The following DSTYK variants were observed in gnomAD, a reference collection of about 807,000 sequenced individuals.
DSTYK encodes RIP-homologous kinase.
Under a neutral mutation model 98.7 loss-of-function variants are expected in DSTYK, and 34 were observed. The ratio of observed to expected loss-of-function variants is 0.34; its 90% CI spans 0.26 to 0.46. The LOEUF (loss-of-function observed/expected upper bound fraction) is 0.46. Among genes scored for constraint, DSTYK ranks in the 20% least tolerant of loss-of-function variants. DSTYK has a pLI of 1.00. For missense variants in DSTYK, 962 were observed against 1,181.7 expected (o/e 0.81, Z 2.73); for synonymous variants, 462 against 457.3 (o/e 1.01, Z -0.13).
Position 205,148,205 on chromosome 1 carries a change from C to A in DSTYK, c.2602G>T (p.Gly868Trp), listed in dbSNP as rs750857653. Residue 868 changes from glycine to tryptophan, a missense_variant and splice_region_variant, in exon 12 of 13, where the codon GGG (glycine) becomes TGG (tryptophan). Gly to Trp is a radical substitution (Grantham distance 184). Transcript: ENST00000367162. ...KDHLWNNVRR[G>W]ARPERLPVFD... ...ACAAGGTAGTACTTGTGGCTCTTAC[C>A]CCTCCGCACATTGTTCCAGAGATGG... The A allele has an allele frequency of 1.2e-6, 2 of 1,614,028 alleles. No homozygotes were observed. Among genetic ancestry groups the A allele is most frequent in the South Asian group, 1.1e-5 (1 of 91,064 alleles).
Position 205,187,760 on chromosome 1 carries a change from G to A in DSTYK, c.312C>T (p.Leu104=). The A allele has an allele frequency of 6.2e-7, 1 of 1,614,110 alleles. No individual in the cohort carries two copies. Among genetic ancestry groups the A allele is most frequent in the Non-Finnish European group, 8.5e-7 (1 of 1,180,014 alleles). ...AAGGGAGGCAGTCCACAATCTGCTG[G>A]AGGTACTTCTCTTCCTTAGGTGGGA... ...ISFPPKEEKY[L]QQIVDCLPCI... is the part of the protein sequence containing the mutation. Residue 104 remains leucine, a synonymous_variant, in exon 2 of 13, where the codon CTC becomes CTT. Transcript: ENST00000367162.
intron 10 of DSTYK, among the ~76,000 whole-genome samples, chr1:205,154,069 G>A (rs975782517): frequency 1.4e-5 from 2 of 147,424 alleles, no homozygotes; most frequent in African/African-American, 2.4e-5. Flanking sequence ...GTGTGTGTGT[G>A]TGTGTGTGTG....
At chr1:205,171,547 T>C (rs932036891) in intron 2 of DSTYK, among the ~76,000 whole-genome samples, 4 of 151,720 alleles carry the variant, frequency 2.6e-5, no homozygotes, top group Non-Finnish European at 5.9e-5. Context: ...TTCCACTTTG[T>C]GTTCTGCTTC....
rs910640618 is a variant in DSTYK at position 205,148,217 on chromosome 1, T to C, written c.2590A>G (p.Asn864Asp). 6.2e-7 allele frequency: 1 copy of C among 1,614,116 alleles called. No homozygotes were observed. Among genetic ancestry groups the C allele is most frequent in the Non-Finnish European group, 8.5e-7 (1 of 1,179,994 alleles). ...TTGTGGCTCTTACCCCTCCGCACAT[T>C]GTTCCAGAGATGGTCTTTGCTAGCA... ...RCASKDHLWNNVRRGARPERL... is the reference protein window; with the variant it reads ...RCASKDHLWNDVRRGARPERL... The change falls in exon 12 of 13, where the codon AAT becomes GAT. Residue 864 changes from asparagine to aspartate, a missense_variant. Physicochemically the swap from Asn to Asp is conservative, Grantham distance 23. Coordinates refer to ENST00000367162, the MANE Select transcript of DSTYK (RefSeq NM_015375.3).
At position 205,157,324 on chromosome 1, in the gene DSTYK, G is replaced by T; in HGVS notation, c.2301C>A (p.Phe767Leu). 6.2e-7 allele frequency: 1 copy of T among 1,614,154 alleles called. No homozygotes were observed. Among genetic ancestry groups the T allele is most frequent in the Non-Finnish European group, 8.5e-7 (1 of 1,180,024 alleles). ...GATGGACAAGTCCCTGGCTGTGCAG[G>T]AAGCGGATTCCCTCCACCACATCTA... ...IALDVVEGIR[F>L]LHSQGLVHRD... is the part of the protein sequence containing the mutation. The change falls in exon 10 of 13, where the codon TTC (phenylalanine) becomes TTA (leucine). Residue 767 changes from phenylalanine to leucine, a missense_variant. Physicochemically the swap from Phe to Leu is conservative, Grantham distance 22. Around this residue, in one of 4 missense-constraint regions of DSTYK, gnomAD observed 660 missense variants for 855.0 expected, o/e 0.77. Coordinates refer to ENST00000367162, the MANE Select transcript of DSTYK (RefSeq NM_015375.3).
intron 10 of DSTYK, among the ~76,000 whole-genome samples, chr1:205,154,085 GCA>G (rs71699219): frequency 7.0e-6 from 1 of 142,806 alleles, no homozygotes; most frequent in African/African-American, 2.7e-5. Context: ...GTGTGTGTGT[GCA>G]TGTATAGAGA....
intron 2 of DSTYK, among the ~76,000 whole-genome samples, chr1:205,180,716 C>T (rs1334241042): frequency 6.6e-6 from 1 of 152,192 alleles, no homozygotes; most frequent in Non-Finnish European, 1.5e-5. Context: ...CTGCCTGCCT[C>T]GGCCTCCCAA....
At chr1:205,179,921 A>G (rs1658347048) in intron 2 of DSTYK, among the ~76,000 whole-genome samples, 1 of 152,208 alleles carries the variant, frequency 6.6e-6, no homozygotes, top group South Asian at 2.1e-4. Context: ...TATGTGAGAT[A>G]GTAAAAACAG....
At chr1:205,176,476 TAAAA>T (rs61291677) in intron 2 of DSTYK, among the ~76,000 whole-genome samples, 10,565 of 40,106 alleles carry the variant, frequency 0.26, 131 homozygotes, top group Non-Finnish European at 0.4. Context: ...AACTCCCTCT[TAAAA>T]AAAAAAAAAA....
chr1:205,183,715 G>T (rs2102443454), intron 2 of DSTYK, among the ~76,000 whole-genome samples: 2 of 152,306 alleles, frequency 1.3e-5, no homozygotes, highest in East Asian at 3.9e-4. Flanking sequence ...GCTCATTCTT[G>T]CTGGCATGAA....
chr1:205,207,164 C>T (rs1456363534), intron 1 of DSTYK, among the ~76,000 whole-genome samples: 1 of 151,452 alleles, frequency 6.6e-6, no homozygotes, highest in Non-Finnish European at 1.5e-5. Context: ...CTGCAACCTC[C>T]GCCTCCTGGG....
rs1657269376 is a variant in DSTYK at position 205,147,456 on chromosome 1, T to C, written c.*102A>G. ...AGTTTCCCAGCAAGCACCAGTTCCC[T>C]TGGGAGTGTGTCCTATAGTGAATAA... On this transcript the variant is annotated 3_prime_UTR_variant, in exon 13 of 13. Coordinates refer to ENST00000367162, the MANE Select transcript of DSTYK (RefSeq NM_015375.3). 3.0e-6 allele frequency: 4 copies of C among 1,324,654 alleles called. No homozygotes were observed. Among genetic ancestry groups the C allele is most frequent in the East Asian group, 2.3e-5 (1 of 42,814 alleles). The allele number at this position is 1,324,654 out of a possible 1,614,324, so 82.1% of individuals were successfully genotyped here.
intron 1 of DSTYK, among the ~76,000 whole-genome samples, chr1:205,201,124 C>T (rs1478863187): frequency 6.6e-6 from 1 of 151,908 alleles, no homozygotes; most frequent in African/African-American, 2.4e-5. Context: ...AGGCTGCTCT[C>T]GAACTCCTGA....
In DSTYK at chr1:205,161,286, G is replaced by T; in HGVS notation, c.1920C>A (p.Ser640Arg). 1 of 1,614,096 alleles carries T rather than the reference G, an allele frequency of 6.2e-7. No individual in the cohort carries two copies. Among genetic ancestry groups the T allele is most frequent in the South Asian group, 1.1e-5 (1 of 91,078 alleles). The change falls in exon 7 of 13, where the codon AGC becomes AGA. Residue 640 changes from serine to arginine, a missense_variant. Around this residue, in one of 4 missense-constraint regions of DSTYK, gnomAD observed 660 missense variants for 855.0 expected, o/e 0.77. Transcript: ENST00000367162. ...GAAGCAAGACATCCTGTAAAGAACA[G>T]CTTTCCAGAGAAAGGCGGGCCAGGC... is the stretch of plus-strand genomic sequence containing the variant. ...APRLARLSLE[S>R]CSLQDVLLHR...
intron 7 of DSTYK, 121 bp downstream of exon 7, chr1:205,161,137 A>G: frequency 7.8e-7 from 1 of 1,280,228 alleles, no homozygotes; most frequent in South Asian, 1.5e-5. Flanking sequence ...AAACATCAGT[A>G]AGGGTTTAGG....
rs1023878621 is a variant in DSTYK at position 205,176,509 on chromosome 1, A to G, written c.655-6677T>C. On this transcript the variant is annotated intron_variant, in intron 2 of 12. Transcript: ENST00000367162. Reference sequence around the variant, plus strand: ...AAAAAAAAAAAAAAAAAAAAAAAAAAGAAATGCAATAGAAAGGAGCTTGCT... The same window carrying G: ...AAAAAAAAAAAAAAAAAAAAAAAAAGGAAATGCAATAGAAAGGAGCTTGCT... 7.6e-5 allele frequency among the ~76,000 whole-genome samples: 10 copies of G among 131,002 alleles called. No homozygotes were observed. In the East Asian group the frequency reaches 1.5e-3, roughly 20 times the overall value. 85.9% of individuals were successfully genotyped at this position (131,002 alleles called of 152,430 possible). A position where few individuals can be genotyped will look rare whatever the true frequency, so the allele number is the denominator to read the frequency against.
chr1:205,207,842 T>C (rs1285207732), intron 1 of DSTYK, among the ~76,000 whole-genome samples: 2 of 150,662 alleles, frequency 1.3e-5, no homozygotes, highest in East Asian at 3.9e-4. Context: ...CACCCTGCCT[T>C]TCCTCAGAAG....
chr1:205,176,720 G>A (rs899584335), intron 2 of DSTYK, among the ~76,000 whole-genome samples: 26 of 151,736 alleles, frequency 1.7e-4, no homozygotes, highest in Middle Eastern at 3.4e-3. Flanking sequence ...TAGGATTATA[G>A]GCATGTGCCA....
At chr1:205,209,104 C>A (rs1333029906) in intron 1 of DSTYK, among the ~76,000 whole-genome samples, 1 of 152,108 alleles carries the variant, frequency 6.6e-6, no homozygotes, top group Non-Finnish European at 1.5e-5. Context: ...AAGTGAAATG[C>A]AAAGGTATAT....
Sources: gnomAD v4.1 joint callset for allele counts (sites outside exome capture counted in the v4.1 genomes callset) on GRCh38, gnomAD v4.1.1 for gene constraint, gnomAD v4.1.1 regional missense constraint, MANE v1.5 for transcripts, NCBI Gene and HGNC (gene_info 2026-07-23, HGNC 2026-07-21) for gene names.